Variants in LOXHD1 observed in about 807,000 individuals in gnomAD.
LOXHD1 encodes lipoxygenase homology domain-containing protein 1.
LOXHD1 carries 205 observed loss-of-function variants against 248.2 expected under a neutral mutation model. The observed-to-expected ratio is 0.83, with a 90% CI of 0.74 to 0.93. The LOEUF is 0.93. Ranked by LOEUF, LOXHD1 falls within the 40% of genes least tolerant of loss-of-function variation. The probability of loss-of-function intolerance (pLI) is 0.00; values close to 1 mark genes in which losing one functional copy is unlikely to be tolerated. For synonymous variants in LOXHD1, 1,113 were observed against 1,162.8 expected, an observed-to-expected ratio of 0.96 and a Z score of 0.87; for missense variants, 2,930 against 2,971.6, an observed-to-expected ratio of 0.99 and a Z score of 0.33.
chr18:46,640,533 A>T (rs1482641245), intron 3 of LOXHD1, among the ~76,000 whole-genome samples: 1 of 152,228 alleles, frequency 6.6e-6, no homozygotes, highest in African/African-American at 2.4e-5. Flanking sequence ...ATGTAAAAAG[A>T]TCCAAAGAAA....
chr18:46,590,663 T>A lies in LOXHD1; in HGVS notation c.1654+1270A>T, dbSNP rs538227485. ...TGGGTTATATGTTATCATATTTAGA[T>A]AGATGATTGCCTTGTTCCCAAGGCA... On this transcript the variant is annotated intron_variant, in intron 12 of 40. Transcript: ENST00000642948. Among the ~76,000 whole-genome samples, 10 of 152,262 alleles carry A rather than the reference T, an allele frequency of 6.6e-5. No homozygotes were observed. In the South Asian group the frequency reaches 1.9e-3, roughly 28 times the overall value.
At chr18:46,534,565 T>C in intron 26 of LOXHD1, 114 bp from the exon 27 acceptor site, 8 of 764,594 alleles carry the variant, frequency 1.0e-5, no homozygotes, top group South Asian at 9.0e-5. Flanking sequence ...CATTTCCTCC[T>C]GATACGTCTC....
intron 21 of LOXHD1, among the ~76,000 whole-genome samples, chr18:46,552,228 T>A (rs2037137069): frequency 6.6e-6 from 1 of 152,180 alleles, no homozygotes; most frequent in African/African-American, 2.4e-5. Context: ...ATTTTTTTTT[T>A]AAATCCAACT....
At chr18:46,605,206 G>A (rs1355210423) in intron 6 of LOXHD1, among the ~76,000 whole-genome samples, 1 of 152,144 alleles carries the variant, frequency 6.6e-6, no homozygotes, top group Non-Finnish European at 1.5e-5. Context: ...ATTCCTGCAG[G>A]AAATTCTGTC....
At chr18:46,610,125 G>C (rs2038482968) in intron 6 of LOXHD1, among the ~76,000 whole-genome samples, 1 of 152,160 alleles carries the variant, frequency 6.6e-6, no homozygotes, top group Admixed American at 6.5e-5. Context: ...GGGAGGGAGA[G>C]GTTCTGGTGG....
intron 35 of LOXHD1, among the ~76,000 whole-genome samples, chr18:46,508,117 ATAT>A (rs1037832202): frequency 5.9e-5 from 9 of 152,336 alleles, no homozygotes; most frequent in Admixed American, 5.9e-4. Flanking sequence ...TGTGGGCACC[ATAT>A]TATTGACTCA....
chr18:46,653,063 G>A (rs528537683), intron 1 of LOXHD1, among the ~76,000 whole-genome samples: 5 of 152,086 alleles, frequency 3.3e-5, no homozygotes, highest in Admixed American at 1.3e-4. Context: ...GCTGACCAAC[G>A]TGGTGAAACC....
chr18:46,593,888 T>G (rs2038216939), intron 9 of LOXHD1, 128 bp from the exon 10 acceptor site: 1 of 937,830 alleles, frequency 1.1e-6, no homozygotes, highest in African/African-American at 1.7e-5. Context: ...TGTGTCCCAC[T>G]CTCAGAAACC....
At chr18:46,477,979 G>C (rs1360940190) in intron 40 of LOXHD1, 27 bp from the exon 41 acceptor site, 13 of 1,538,310 alleles carry the variant, frequency 8.5e-6, no homozygotes, top group Admixed American at 2.0e-5. Context: ...AGAGTGGAGG[G>C]GTAGGGGCTA....
At chr18:46,517,117 G>C (rs759405357) in intron 34 of LOXHD1, among the ~76,000 whole-genome samples, 7 of 152,154 alleles carry the variant, frequency 4.6e-5, no homozygotes, top group Non-Finnish European at 1.0e-4. Context: ...CTGTGGGTGG[G>C]TTTTTAAAAT....
intron 5 of LOXHD1, among the ~76,000 whole-genome samples, chr18:46,611,785 T>C (rs2038512552): frequency 6.6e-6 from 1 of 152,216 alleles, no homozygotes; most frequent in Admixed American, 6.5e-5. Flanking sequence ...ATGTAAAACA[T>C]GACAGATATG....
At chr18:46,481,781 T>C (rs2032593072) in intron 40 of LOXHD1, among the ~76,000 whole-genome samples, 1 of 152,214 alleles carries the variant, frequency 6.6e-6, no homozygotes, top group Admixed American at 6.5e-5. Flanking sequence ...TGGAAAATTC[T>C]ACAACTGAGG....
chr18:46,477,525 C>G lies in LOXHD1; in HGVS notation c.6769G>C (p.Asp2257His). The G allele has an allele frequency of 6.4e-7, 1 of 1,551,268 alleles. No homozygotes were observed. Among genetic ancestry groups the G allele is most frequent in the Non-Finnish European group, 8.7e-7 (1 of 1,146,988 alleles). ...ATIFNCGRWL[D>H]KKRGDGLTWR... ...GTGAGTCCATCCCCCCGCTTCTTGTCCAGCCACCTGCCACAGTTGAAGATG... is the reference window on the plus strand; with the variant it reads ...GTGAGTCCATCCCCCCGCTTCTTGTGCAGCCACCTGCCACAGTTGAAGATG... The change falls in exon 41 of 41, where the codon GAC becomes CAC. Residue 2257 changes from aspartate (D) to histidine (H), a missense_variant. By Grantham distance (81) the Asp-to-His change is moderately conservative. Transcript: ENST00000642948.
chr18:46,520,412 C>T (rs1598904857), intron 33 of LOXHD1: 1 of 414,340 alleles, frequency 2.4e-6, no homozygotes, highest in East Asian at 7.1e-5. Context: ...AAAGAGAAAC[C>T]CACAGGGTCA....
chr18:46,531,411 C>G (rs887108807), intron 28 of LOXHD1, among the ~76,000 whole-genome samples: 1 of 152,180 alleles, frequency 6.6e-6, no homozygotes, highest in African/African-American at 2.4e-5. Context: ...GGTCTCCCCC[C>G]TCATTTTCCC....
intron 21 of LOXHD1, among the ~76,000 whole-genome samples, chr18:46,551,301 C>T (rs1447789933): frequency 6.6e-6 from 1 of 152,040 alleles, no homozygotes; most frequent in African/African-American, 2.4e-5. Context: ...TACGGGGTTT[C>T]ACCGTGTTAG....
intron 29 of LOXHD1, among the ~76,000 whole-genome samples, chr18:46,525,371 G>A (rs933769364): frequency 6.6e-5 from 10 of 152,290 alleles, no homozygotes; most frequent in Non-Finnish European, 1.3e-4. Context: ...AGTAACGGGA[G>A]GGGGTTTGAA....
intron 34 of LOXHD1, among the ~76,000 whole-genome samples, chr18:46,513,406 G>A (rs1297626070): frequency 6.6e-6 from 1 of 152,230 alleles, no homozygotes; most frequent in East Asian, 1.9e-4. Context: ...GGTCTTTGCA[G>A]ATGTAATTAA....
In LOXHD1 at chr18:46,608,084, G is replaced by GGAAGGAAGGAAGGAAGGAAA. The variant is rs1568214574; in HGVS notation, c.759+2691_759+2692insTTTCCTTCCTTCCTTCCTTC. 2.7e-3 allele frequency among the ~76,000 whole-genome samples: 398 copies of GGAAGGAAGGAAGGAAGGAAA among 146,440 alleles called. 5 individuals carry two copies. Among genetic ancestry groups the GGAAGGAAGGAAGGAAGGAAA allele is most frequent in the African/African-American group, 0.01 (388 of 38,472 alleles). On this transcript the variant is annotated intron_variant, in intron 6 of 40. Transcript: ENST00000642948. The stretch of plus-strand genomic sequence containing the variant: ...AGGAAGGAAGGAAAGAAGGAAGGGA[G>GGAAGGAAGGAAGGAAGGAAA]GAAGGAAGGGCGGGCAGGCAAAGAC...
Sources: gnomAD v4.1 joint callset for allele counts (sites outside exome capture counted in the v4.1 genomes callset) on GRCh38, gnomAD v4.1.1 for gene constraint, MANE v1.5 for transcripts, NCBI Gene and HGNC (gene_info 2026-07-23, HGNC 2026-07-21) for gene names.